PRSS27: variants seen among roughly 807,000 people sequenced by gnomAD.
The protein encoded by PRSS27 is channel-activating protease 2.
PRSS27 carries 25 observed loss-of-function variants against 32.0 expected under a neutral mutation model. The observed-to-expected ratio is 0.78, with a 90% CI of 0.57 to 1.09. The LOEUF is 1.09. PRSS27 is among the 50% of genes least tolerant of loss of function. The probability of loss-of-function intolerance (pLI) is 0.00; values close to 1 mark genes in which losing one functional copy is unlikely to be tolerated. For missense variants in PRSS27, 401 were observed against 394.9 expected, an observed-to-expected ratio of 1.02 and a Z score of -0.13; for synonymous variants, 178 against 172.2, an observed-to-expected ratio of 1.03 and a Z score of -0.26.
intron 4 of PRSS27, 93 bp from the exon 5 acceptor site, chr16:2,713,791 C>T (rs2067681802): frequency 1.4e-6 from 2 of 1,411,992 alleles, no homozygotes; most frequent in Non-Finnish European, 2.0e-6. Context: ...CCTGTCGTTT[C>T]CTCATGTTTA....
chr16:2,713,013 G>A (rs2067673175), intron 5 of PRSS27, 199 bp from the exon 6 acceptor site: 5 of 560,008 alleles, frequency 8.9e-6, no homozygotes, highest in Non-Finnish European at 1.6e-5. Context: ...TAGGGTGTGT[G>A]TGTGTGTTGA....
chr16:2,713,458 G>C (rs1364011048), intron 5 of PRSS27, 71 bp downstream of exon 5: 9 of 1,493,300 alleles, frequency 6.0e-6, no homozygotes, highest in Non-Finnish European at 8.4e-6. Flanking sequence ...CCATGGAGCG[G>C]GGCATGATCC....
chr16:2,715,674 G>T (rs776061767), intron 3 of PRSS27, 44 bp downstream of exon 3: 1 of 1,502,358 alleles, frequency 6.7e-7, no homozygotes. Flanking sequence ...CGCGCGCGGG[G>T]CGCTGTCAGC....
rs79753897 is a variant in PRSS27, at chr16:2,714,112, G to A, written c.461C>T (p.Thr154Met). The A allele has an allele frequency of 1.7e-3, 2,743 of 1,613,798 alleles. 30 individuals are homozygous for A. In the African/African-American group the frequency reaches 0.027, roughly 16 times the overall value. The change falls in exon 4 of 6, where the codon ACG (threonine) becomes ATG (methionine). Residue 154 changes from threonine (T) to methionine (M), a missense_variant. By Grantham distance (81) the Thr-to-Met change is moderately conservative. Transcript: ENST00000302641. This position sits in a 1 kb window ranked among gnomAD's most constrained non-coding sequence, Gnocchi z 4.7. Reference protein sequence around the residue: ...CLPDPSVIFETGMNCWVTGWG... With the variant: ...CLPDPSVIFEMGMNCWVTGWG... ...GCCAGTGACCCAGCAGTTCATGCCC[G>A]TCTCAAAGATCACCGAGGGGTCAGG...
chr16:2,720,089 C>G, intron 1 of PRSS27, 26 bp downstream of exon 1: 1 of 1,588,774 alleles, frequency 6.3e-7, no homozygotes. Flanking sequence ...ACTGCACCAC[C>G]AGGACCCTGC....
chr16:2,715,887 G>A lies in PRSS27; in HGVS notation c.74-7C>T, dbSNP rs771602568. 25 of 1,556,928 alleles carry A rather than the reference G, an allele frequency of 1.6e-5. No homozygotes were observed. Among genetic ancestry groups the A allele is most frequent in the South Asian group, 3.5e-5 (3 of 85,998 alleles). On this transcript the variant is annotated splice_polypyrimidine_tract_variant and splice_region_variant and intron_variant, in intron 2 of 5. Coordinates refer to ENST00000302641, the MANE Select transcript of PRSS27 (RefSeq NM_031948.5). ...ATCCTGGGGCGACCACAGGCTGGGGGAGCATGGGGAGCGGGTGGGGGCGCT... is the reference window on the plus strand; with the variant it reads ...ATCCTGGGGCGACCACAGGCTGGGGAAGCATGGGGAGCGGGTGGGGGCGCT...
chr16:2,714,213 G>A lies in PRSS27; in HGVS notation c.360C>T (p.Ala120=), dbSNP rs139935454. ...CCACCAGGGCCACGTCAGCGCTGGA[G>A]GCCGTGCCCTGGTACAGGGGGTTGC... ...VESNPLYQGT[A]SSADVALVEL... The change falls in exon 4 of 6, where the codon GCC becomes GCT. Residue 120 remains alanine, a synonymous_variant. Coordinates refer to ENST00000302641, the MANE Select transcript of PRSS27 (RefSeq NM_031948.5). The surrounding 1 kb of genome is among the most constrained non-coding windows in gnomAD (Gnocchi z 4.7). 232 of 1,613,848 alleles carry A rather than the reference G, an allele frequency of 1.4e-4. No individual in the cohort carries two copies. Among genetic ancestry groups the A allele is most frequent in the Non-Finnish European group, 1.9e-4 (225 of 1,180,008 alleles).
At chr16:2,718,753 T>G (rs550428836) in intron 1 of PRSS27, among the ~76,000 whole-genome samples, 31 of 152,318 alleles carry the variant, frequency 2.0e-4, no homozygotes, top group African/African-American at 6.5e-4. Context: ...GGGAGCTCTG[T>G]CTACATCACC....
At position 2,720,124 on chromosome 16, in the gene PRSS27, G is replaced by A. The variant is rs757831483; in HGVS notation, c.37C>T (p.Leu13=). 116 of 1,602,110 alleles carry A rather than the reference G, an allele frequency of 7.2e-5. No individual in the cohort carries two copies. The highest frequency in any genetic ancestry group is 9.5e-5 in the Non-Finnish European group (112 of 1,174,456). The change falls in exon 1 of 6, where the codon CTG becomes TTG. Residue 13 remains leucine (L), a synonymous_variant. Transcript: ENST00000302641. ...CACCTTCACGACTCACCAAAACACAGCAGCAGCAGGAGCGGCACCGCCGCC... is the reference window on the plus strand; with the variant it reads ...CACCTTCACGACTCACCAAAACACAACAGCAGCAGGAGCGGCACCGCCGCC... ...RPAAVPLLLL[L]CFGSQRAKAA...
chr16:2,716,437 G>T, intron 2 of PRSS27, 63 bp downstream of exon 2: 20 of 1,485,494 alleles, frequency 1.3e-5, no homozygotes, highest in Non-Finnish European at 1.9e-5. Context: ...CTCTGGCCAT[G>T]AGTGTCCCTG....
chr16:2,713,749 CCCACGGCCCCGGGAACCA>C, intron 4 of PRSS27, 51 bp from the exon 5 acceptor site: 1 of 1,587,578 alleles, frequency 6.3e-7, no homozygotes, highest in South Asian at 1.1e-5. Context: ...TCATCAAGAA[CCCACGGCCCCGGGAACCA>C]CCACTCCATC....
intron 3 of PRSS27, 119 bp downstream of exon 3, chr16:2,715,599 G>T: frequency 1.4e-6 from 1 of 724,164 alleles, no homozygotes; most frequent in Non-Finnish European, 2.1e-6. Flanking sequence ...GCTGGACCAG[G>T]AGCCCCCAGG....
At chr16:2,715,350 C>T (rs1437904699) in intron 3 of PRSS27, 1 of 202,650 alleles carries the variant, frequency 4.9e-6, no homozygotes, top group Non-Finnish European at 1.0e-5. Flanking sequence ...GAGCAGAGTT[C>T]CTCCCGGGAA....
chr16:2,718,875 G>A (rs1365168858), intron 1 of PRSS27, among the ~76,000 whole-genome samples: 1 of 152,142 alleles, frequency 6.6e-6, no homozygotes, highest in African/African-American at 2.4e-5. Context: ...GTGGCTGTGG[G>A]GGCTGATGGG....
In PRSS27 at chr16:2,714,311, C is replaced by T. The variant is rs919236764; in HGVS notation, c.262G>A (p.Val88Ile). 1 of 1,613,200 alleles carries T rather than the reference C, an allele frequency of 6.2e-7. No homozygotes were observed. The highest frequency in any genetic ancestry group is 8.5e-7 in the Non-Finnish European group (1 of 1,180,006). ...RNTSETSLYQ[V>I]LLGARQLVQP... ...ACTAGCTGCCTTGCCCCCAGCAGGA[C>T]CTGGTACAGGGACGTCTCAGAGGTG... Residue 88 changes from valine to isoleucine, a missense_variant, in exon 4 of 6, where the codon GTC becomes ATC. Physicochemically the swap from Val to Ile is conservative, Grantham distance 29. Coordinates refer to ENST00000302641, the MANE Select transcript of PRSS27 (RefSeq NM_031948.5). The surrounding 1 kb of genome is among the most constrained non-coding windows in gnomAD (Gnocchi z 4.7).
chr16:2,716,525 C>T lies in PRSS27; in HGVS notation c.48G>A (p.Gly16=), dbSNP rs145342314. 5.1e-5 allele frequency: 82 copies of T among 1,602,214 alleles called. No individual in the cohort carries two copies. The highest frequency in any genetic ancestry group is 6.6e-5 in the Non-Finnish European group (78 of 1,177,114). ...AVPLLLLLCF[G]SQRAKAATAC... ...CTGTTGCTGCCTTGGCCCTCTGAGA[C>T]CCTGGAAGTGAGGAGAGGGTGATCA... The change falls in exon 2 of 6, where the codon GGG becomes GGA. Residue 16 remains glycine (G), a splice_region_variant and synonymous_variant. Coordinates refer to ENST00000302641, the MANE Select transcript of PRSS27 (RefSeq NM_031948.5).
Position 2,720,113 on chromosome 16 carries a change from A to C in PRSS27, c.46+2T>G, listed in dbSNP as rs778216269. The C allele has an allele frequency of 6.2e-7, 1 of 1,602,292 alleles. No homozygotes were observed. Among genetic ancestry groups the C allele is most frequent in the Non-Finnish European group, 8.5e-7 (1 of 1,174,776 alleles). On this transcript the variant is annotated splice_donor_variant, in intron 1 of 5. Transcript: ENST00000302641. LOFTEE classifies it high-confidence loss of function. Reference sequence around the variant, plus strand: ...CCAGGACCCTGCACCTTCACGACTCACCAAAACACAGCAGCAGCAGGAGCG... The same window carrying C: ...CCAGGACCCTGCACCTTCACGACTCCCCAAAACACAGCAGCAGCAGGAGCG...
chr16:2,716,161 CCAGGGCCTGACCCAAA>C (rs1567200555), intron 2 of PRSS27: 7 of 556,998 alleles, frequency 1.3e-5, no homozygotes, highest in African/African-American at 1.9e-5. Context: ...GGGTCTTGTC[CCAGGGCCTGACCCAAA>C]CAGGTGCCTG....
At position 2,714,160 on chromosome 16, in the gene PRSS27, T is replaced by C. The variant is rs368399191; in HGVS notation, c.413A>G (p.Asn138Ser). ...AGGCAGGCACACGGGGAGGATGTAA[T>C]TGGTGAAGGGCACTGGTGCCTCCAG... The part of the protein sequence containing the change: ...VELEAPVPFT[N>S]YILPVCLPDP... Residue 138 changes from asparagine (N) to serine (S), a missense_variant, in exon 4 of 6, where the codon AAT (asparagine) becomes AGT (serine). Physicochemically the swap from Asn to Ser is conservative, Grantham distance 46. Transcript: ENST00000302641. This position sits in a 1 kb window ranked among gnomAD's most constrained non-coding sequence, Gnocchi z 4.7. 4 of 1,614,040 alleles carry C rather than the reference T, an allele frequency of 2.5e-6. No homozygotes were observed.
Sources: gnomAD v4.1 joint callset for allele counts (sites outside exome capture counted in the v4.1 genomes callset) on GRCh38, gnomAD v4.1.1 for gene constraint, Gnocchi (gnomAD v3.1) non-coding constraint, MANE v1.5 for transcripts, NCBI Gene and HGNC (gene_info 2026-07-23, HGNC 2026-07-21) for gene names.